Variants in SHANK2 observed in about 807,000 individuals in gnomAD.
The protein encoded by SHANK2 is SH3 and multiple ankyrin repeat domains protein 2.
In SHANK2, 43 loss-of-function variants were observed where a neutral mutation model predicts 133.7. The observed-to-expected ratio is 0.32, with a 90% confidence interval of 0.25 to 0.41. SHANK2 has a LOEUF of 0.41. Ranked by LOEUF, SHANK2 falls within the 10% of genes least tolerant of loss-of-function variation. The probability of loss-of-function intolerance (pLI) is 1.00; values close to 1 mark genes in which losing one functional copy is unlikely to be tolerated. For missense variants in SHANK2, 1,994 were observed against 2,235.8 expected, an observed-to-expected ratio of 0.89 and a Z score of 2.18; for synonymous variants, 1,017 against 952.8, an observed-to-expected ratio of 1.07 and a Z score of -1.24.
At chr11:70,852,314 A>G (rs748089610) in intron 11 of SHANK2, among the ~76,000 whole-genome samples, 9 of 152,382 alleles carry the variant, frequency 5.9e-5, no homozygotes, top group Non-Finnish European at 1.3e-4. Flanking sequence ...CGTAAACCCC[A>G]GTCAACTTCA....
chr11:70,624,958 C>G (rs781841337), intron 17 of SHANK2, among the ~76,000 whole-genome samples: 9 of 152,196 alleles, frequency 5.9e-5, no homozygotes, highest in East Asian at 1.9e-4. Flanking sequence ...TTTGAGAGAA[C>G]AGCCCCCACA....
At chr11:70,714,557 T>C (rs1022240592) in intron 14 of SHANK2, among the ~76,000 whole-genome samples, 1 of 152,196 alleles carries the variant, frequency 6.6e-6, no homozygotes. Flanking sequence ...GGTGATTACA[T>C]TAATATCTTA....
intron 17 of SHANK2, among the ~76,000 whole-genome samples, chr11:70,615,601 G>C (rs917781631): frequency 3.9e-5 from 6 of 152,128 alleles, no homozygotes; most frequent in African/African-American, 9.7e-5. Context: ...AGGCTGGCTC[G>C]GCCGAATCCC....
At chr11:71,119,062 G>T in intron 3 of SHANK2, 30 bp from the exon 4 acceptor site, 9 of 1,546,406 alleles carry the variant, frequency 5.8e-6, no homozygotes, top group Non-Finnish European at 7.9e-6. Context: ...CAGCTGATGA[G>T]TGACAGAGGA....
At chr11:71,148,601 C>A (rs1262601594) in intron 2 of SHANK2, among the ~76,000 whole-genome samples, 1 of 152,132 alleles carries the variant, frequency 6.6e-6, no homozygotes, top group African/African-American at 2.4e-5. Context: ...GACGAGGCCA[C>A]GTGCATATGG....
chr11:70,780,190 C>T (rs1318702981), intron 14 of SHANK2, among the ~76,000 whole-genome samples: 2 of 152,198 alleles, frequency 1.3e-5, no homozygotes, highest in African/African-American at 2.4e-5. Flanking sequence ...ATTGTGTACA[C>T]TAATAAATTC....
At chr11:71,249,544 A>C (rs1330130978) in intron 1 of SHANK2, among the ~76,000 whole-genome samples, 1 of 152,186 alleles carries the variant, frequency 6.6e-6, no homozygotes, top group Non-Finnish European at 1.5e-5. Flanking sequence ...GCTTGAGTTT[A>C]CAAAGCAGGA....
At chr11:70,747,852 AGT>A (rs1414338393) in intron 14 of SHANK2, among the ~76,000 whole-genome samples, 4 of 152,226 alleles carry the variant, frequency 2.6e-5, no homozygotes, top group Non-Finnish European at 4.4e-5. Context: ...ATGTATGTGC[AGT>A]GTTTGTGTGT....
At chr11:71,125,707 C>T (rs1555102513) in intron 3 of SHANK2, among the ~76,000 whole-genome samples, 4 of 152,136 alleles carry the variant, frequency 2.6e-5, no homozygotes, top group East Asian at 1.9e-4. Context: ...TTGATGAAGG[C>T]GGCTACACTA....
Position 70,889,585 on chromosome 11 carries a change from C to T in SHANK2, c.1174+6916G>A, listed in dbSNP as rs149924059. Among the ~76,000 whole-genome samples the T allele has an allele frequency of 5.3e-3, 804 of 152,334 alleles. 8 individuals are homozygous for T. Among genetic ancestry groups the T allele is most frequent in the African/African-American group, 0.018 (740 of 41,570 alleles). On this transcript the variant is annotated intron_variant, in intron 11 of 25. Coordinates refer to ENST00000601538, the MANE Select transcript of SHANK2 (RefSeq NM_012309.5). ...GGACGTCCGGCATGAGAACCACCAG[C>T]GGGATTTGAAACCGCAGTTCCAGAG...
chr11:70,827,947 A>G (rs1470639304), intron 11 of SHANK2, among the ~76,000 whole-genome samples: 2 of 152,088 alleles, frequency 1.3e-5, no homozygotes, highest in African/African-American at 4.8e-5. Context: ...CTGCCACAGA[A>G]TCACTGAGTG....
chr11:70,585,308 T>G (rs1461640985), intron 17 of SHANK2, among the ~76,000 whole-genome samples: 4 of 152,134 alleles, frequency 2.6e-5, no homozygotes, highest in Non-Finnish European at 4.4e-5. Flanking sequence ...GATGGGCTGA[T>G]TTTTGAAGCA....
chr11:70,822,883 C>T (rs55898813), intron 11 of SHANK2, among the ~76,000 whole-genome samples: 1 of 54,628 alleles, frequency 1.8e-5, no homozygotes, highest in African/African-American at 8.9e-5. Context: ...AGAGGTGGCA[C>T]TGGCAGAGGT....
At chr11:70,923,636 C>T (rs1555081060) in intron 10 of SHANK2, among the ~76,000 whole-genome samples, 1 of 152,232 alleles carries the variant, frequency 6.6e-6, no homozygotes, top group African/African-American at 2.4e-5. Context: ...GATAACTCCA[C>T]CTCCCAGGCT....
intron 11 of SHANK2, among the ~76,000 whole-genome samples, chr11:70,881,397 C>T (rs2135580474): frequency 6.6e-6 from 1 of 151,854 alleles, no homozygotes; most frequent in East Asian, 1.9e-4. Context: ...ATCAGGGGTA[C>T]AAGATAGACA....
At chr11:70,541,314 C>T (rs1425999569) in intron 17 of SHANK2, among the ~76,000 whole-genome samples, 3 of 152,258 alleles carry the variant, frequency 2.0e-5, no homozygotes, top group Admixed American at 1.3e-4. Context: ...TCTAAGCCTT[C>T]CCTACTCATC....
At chr11:71,081,279 T>C (rs1228561903) in intron 8 of SHANK2, among the ~76,000 whole-genome samples, 3 of 152,288 alleles carry the variant, frequency 2.0e-5, no homozygotes, top group South Asian at 4.1e-4. Context: ...ATAATGAATG[T>C]CTATTGTTTG....
At chr11:70,586,097 G>A (rs1554986659) in intron 17 of SHANK2, among the ~76,000 whole-genome samples, 1 of 152,182 alleles carries the variant, frequency 6.6e-6, no homozygotes, top group African/African-American at 2.4e-5. Flanking sequence ...GAAGTTTCTT[G>A]GAGAATCGCA....
chr11:71,080,874 T>C (rs1245774508), intron 8 of SHANK2, among the ~76,000 whole-genome samples: 1 of 152,174 alleles, frequency 6.6e-6, no homozygotes, highest in Non-Finnish European at 1.5e-5. Flanking sequence ...AGGAGGCCAA[T>C]GCACCTGAAT....
Sources: allele counts gnomAD v4.1 joint callset (sites outside exome capture counted in the v4.1 genomes callset), GRCh38; gene constraint gnomAD v4.1.1; transcripts MANE v1.5; gene names NCBI Gene and HGNC (gene_info 2026-07-23, HGNC 2026-07-21).